Variants in ZBTB20 observed in about 807,000 individuals in gnomAD.
ZBTB20 encodes the protein zinc finger and BTB domain containing 20.
In ZBTB20, 9 loss-of-function variants were observed where a neutral mutation model predicts 56.9. The observed-to-expected ratio is 0.16, with a 90% CI of 0.10 to 0.28. The LOEUF is 0.28. Ranked by LOEUF, ZBTB20 falls within the 10% of genes least tolerant of loss-of-function variation. ZBTB20 has a pLI of 1.00. For missense variants in ZBTB20, 655 were observed against 1,003.0 expected (o/e 0.65, Z 4.69); for synonymous variants, 417 against 420.7 (o/e 0.99, Z 0.11).
chr3:114,385,418 A>T (rs937625279), intron 8 of ZBTB20, among the ~76,000 whole-genome samples: 1 of 152,184 alleles, frequency 6.6e-6, no homozygotes, highest in Admixed American at 6.5e-5. Flanking sequence ...GTAAAATGGG[A>T]ATAATAATAC....
intron 6 of ZBTB20, among the ~76,000 whole-genome samples, chr3:114,629,996 C>G (rs2058854066): frequency 6.6e-6 from 1 of 151,930 alleles, no homozygotes; most frequent in African/African-American, 2.4e-5. Flanking sequence ...AAATATTAGT[C>G]GAGCATGATG....
chr3:114,765,166 G>A (rs558227979), intron 5 of ZBTB20, among the ~76,000 whole-genome samples: 295 of 152,288 alleles, frequency 1.9e-3, no homozygotes, highest in Non-Finnish European at 3.5e-3. Context: ...AGAAATCATT[G>A]TGGTAAAGCT....
intron 6 of ZBTB20, among the ~76,000 whole-genome samples, chr3:114,617,249 C>G (rs956018091): frequency 1.3e-5 from 2 of 152,186 alleles, no homozygotes; most frequent in Admixed American, 1.3e-4. Context: ...TCTACAGCAT[C>G]GTTTCTCTGT....
At chr3:114,663,534 A>G (rs2060869039) in intron 6 of ZBTB20, among the ~76,000 whole-genome samples, 2 of 151,600 alleles carry the variant, frequency 1.3e-5, no homozygotes, top group African/African-American at 4.8e-5. Context: ...ATCCACACAT[A>G]ACAATATTAA....
At chr3:114,432,730 A>G (rs767915991) in intron 7 of ZBTB20, among the ~76,000 whole-genome samples, 1 of 152,210 alleles carries the variant, frequency 6.6e-6, no homozygotes, top group African/African-American at 2.4e-5. Flanking sequence ...TTATTTTGGA[A>G]TTCTTTGGTA....
rs1052212419 is a variant in ZBTB20, at chr3:114,380,705, T to C, written c.11+72A>G. 8 of 1,453,580 alleles carry C rather than the reference T, an allele frequency of 5.5e-6. No individual in the cohort carries two copies. The African/African-American group carries it at 1.0e-4, about 18-fold the overall frequency. 90.0% of individuals were successfully genotyped at this position (1,453,580 alleles called of 1,614,324 possible). ...CTTGAGCTACGTATGGCTGACATTA[T>C]CCAAGAAAGCATCCCTCTTCCCCCC... On this transcript the variant is annotated intron_variant, in intron 9 of 11. Transcript: ENST00000675478.
At chr3:114,652,157 A>G (rs2060169961) in intron 6 of ZBTB20, among the ~76,000 whole-genome samples, 1 of 152,090 alleles carries the variant, frequency 6.6e-6, no homozygotes, top group Non-Finnish European at 1.5e-5. Context: ...TACCACCATA[A>G]CAGAGACATA....
rs189723615 is a variant in ZBTB20 at position 114,739,186 on chromosome 3, C to T, written c.-342-45611G>A. ...AATCACAGGCTCACCCAAGAACTAC[C>T]GTGGAATCAGAACCTCTAGGGATAT... On this transcript the variant is annotated intron_variant, in intron 5 of 11. Transcript: ENST00000675478. Among the ~76,000 whole-genome samples the T allele has an allele frequency of 1.2e-3, 188 of 152,218 alleles. 1 individual carries two copies. Among genetic ancestry groups the T allele is most frequent in the East Asian group, 5.4e-3 (28 of 5,182 alleles).
chr3:114,670,133 G>T (rs749957010), intron 6 of ZBTB20, among the ~76,000 whole-genome samples: 49 of 152,134 alleles, frequency 3.2e-4, no homozygotes, highest in Admixed American at 1.2e-3. Context: ...ACATTCATAA[G>T]AGCATTTGGA....
At chr3:114,412,452 G>A (rs924221970) in intron 7 of ZBTB20, among the ~76,000 whole-genome samples, 1 of 152,096 alleles carries the variant, frequency 6.6e-6, no homozygotes, top group African/African-American at 2.4e-5. Flanking sequence ...AGAGGACAAG[G>A]ATCTCCCATC....
chr3:114,506,967 C>T (rs577182691), intron 6 of ZBTB20, among the ~76,000 whole-genome samples: 49 of 152,260 alleles, frequency 3.2e-4, no homozygotes, highest in Admixed American at 1.2e-3. Context: ...AAACACAGCA[C>T]GACACTCCAA....
chr3:114,547,324 G>C (rs887375078), intron 6 of ZBTB20, among the ~76,000 whole-genome samples: 1 of 152,078 alleles, frequency 6.6e-6, no homozygotes, highest in Non-Finnish European at 1.5e-5. Context: ...TGAAGGAAGG[G>C]TGGCCTATTC....
intron 1 of ZBTB20, among the ~76,000 whole-genome samples, chr3:115,144,303 T>C (rs1336117341): frequency 6.6e-6 from 1 of 152,188 alleles, no homozygotes; most frequent in East Asian, 1.9e-4. Flanking sequence ...GGCCTTTTTT[T>C]CTAGAAAGTC....
chr3:115,086,568 G>A (rs1299870975), intron 1 of ZBTB20, among the ~76,000 whole-genome samples: 1 of 151,760 alleles, frequency 6.6e-6, no homozygotes, highest in Non-Finnish European at 1.5e-5. Flanking sequence ...CAAGTAGACA[G>A]GACACAGTTG....
At chr3:114,824,187 G>A (rs572205953) in intron 4 of ZBTB20, among the ~76,000 whole-genome samples, 13 of 152,098 alleles carry the variant, frequency 8.5e-5, no homozygotes, top group Admixed American at 3.3e-4. Flanking sequence ...TACAACATGA[G>A]CATAAATCTT....
chr3:114,681,126 C>A (rs938023549), intron 6 of ZBTB20, among the ~76,000 whole-genome samples: 2 of 151,616 alleles, frequency 1.3e-5, no homozygotes, highest in African/African-American at 4.8e-5. Flanking sequence ...TAGTATTTAC[C>A]CATTTTAATT....
rs186432367 is a variant in ZBTB20, at chr3:114,828,447, C to T, written c.-416-27273G>A. On this transcript the variant is annotated intron_variant, in intron 4 of 11. Transcript: ENST00000675478. ...TGATAATCGCTTTTTATATACTTTC[C>T]ATTTTTGCTACGTTTTTAAGAGAAA... Among the ~76,000 whole-genome samples, 6 of 151,740 alleles carry T rather than the reference C, an allele frequency of 4.0e-5. No homozygotes were observed. The East Asian group carries it at 1.2e-3, about 29-fold the overall frequency.
intron 7 of ZBTB20, among the ~76,000 whole-genome samples, chr3:114,411,188 G>A (rs938103903): frequency 2.0e-5 from 3 of 152,170 alleles, no homozygotes; most frequent in African/African-American, 4.8e-5. Context: ...CAGAGGAGGT[G>A]CAGGATGCAC....
chr3:114,652,375 A>T (rs546718079), intron 6 of ZBTB20, among the ~76,000 whole-genome samples: 1 of 152,160 alleles, frequency 6.6e-6, no homozygotes, highest in East Asian at 1.9e-4. Flanking sequence ...GTATTTCATT[A>T]TATGAATATA....
Sources: gnomAD v4.1 joint callset for allele counts (sites outside exome capture counted in the v4.1 genomes callset) on GRCh38, gnomAD v4.1.1 for gene constraint, MANE v1.5 for transcripts, NCBI Gene and HGNC (gene_info 2026-07-23, HGNC 2026-07-21) for gene names.